MED12L: variants seen among roughly 807,000 people sequenced by gnomAD.
The protein encoded by MED12L is mediator complex subunit 12L.
In MED12L, 60 loss-of-function variants were observed where a neutral mutation model predicts 281.3. The ratio of observed to expected loss-of-function variants is 0.21; its 90% CI spans 0.17 to 0.26. The LOEUF (loss-of-function observed/expected upper bound fraction) is 0.26, where lower values mean the gene tolerates loss of function less well. MED12L is among the 10% of genes least tolerant of loss of function. The probability of loss-of-function intolerance (pLI) is 1.00; values close to 1 mark genes in which losing one functional copy is unlikely to be tolerated. For synonymous variants in MED12L, 974 were observed against 987.2 expected, an observed-to-expected ratio of 0.99 and a Z score of 0.25; for missense variants, 2,146 against 2,680.9, an observed-to-expected ratio of 0.80 and a Z score of 4.41.
chr3:151,171,271 C>T (rs1338626570), intron 11 of MED12L, among the ~76,000 whole-genome samples: 1 of 152,176 alleles, frequency 6.6e-6, no homozygotes, highest in Non-Finnish European at 1.5e-5. Context: ...CACCTCTGAG[C>T]AGCTGGAGGA....
chr3:151,416,169 A>G, intron 42 of MED12L, 143 bp from the exon 43 acceptor site: 1 of 1,474,864 alleles, frequency 6.8e-7, no homozygotes, highest in Non-Finnish European at 9.3e-7. Flanking sequence ...AATGAGGTTC[A>G]GCAAGGTAGA....
chr3:151,329,957 A>AT (rs1750162674), intron 16 of MED12L, among the ~76,000 whole-genome samples: 1 of 152,144 alleles, frequency 6.6e-6, no homozygotes, highest in Admixed American at 6.6e-5. Context: ...CGGTATGTTT[A>AT]TTTTTGTAGG....
chr3:151,302,095 A>G (rs971857610), intron 16 of MED12L, among the ~76,000 whole-genome samples: 4 of 152,364 alleles, frequency 2.6e-5, no homozygotes, highest in Middle Eastern at 3.4e-3. Context: ...TATTGTATAG[A>G]TGAACCGTGA....
intron 11 of MED12L, 32 bp downstream of exon 11, chr3:151,166,014 T>G: frequency 1.9e-6 from 3 of 1,562,370 alleles, no homozygotes; most frequent in Non-Finnish European, 2.6e-6. Flanking sequence ...CTTTTCACCT[T>G]TTATTTTCAT....
rs1720105423 is a variant in MED12L at position 151,435,824 on chromosome 3, A to ATT, written c.*3021_*3022dup. On this transcript the variant is annotated 3_prime_UTR_variant, in exon 45 of 45. Transcript: ENST00000687756. ...CAGATTTTAAATACAGTGAAACTTC[A>ATT]TTATATATAATAGACCTAGACCCTC... 1 of 147,894 alleles carries ATT rather than the reference A, an allele frequency of 6.8e-6. No individual in the cohort carries two copies. The highest frequency in any genetic ancestry group is 2.3e-4 in the East Asian group (1 of 4,332). The allele number at this position is 147,894 out of a possible 1,614,324, so 9.2% of individuals were successfully genotyped here. A position where few individuals can be genotyped will look rare whatever the true frequency, so the allele number is the denominator to read the frequency against.
chr3:151,210,035 G>T (rs1726912297), intron 16 of MED12L, among the ~76,000 whole-genome samples: 1 of 152,112 alleles, frequency 6.6e-6, no homozygotes, highest in Non-Finnish European at 1.5e-5. Context: ...TGCCTTCCAT[G>T]GTGTCAATTT....
chr3:151,165,830 T>G lies in MED12L; in HGVS notation c.1358-16T>G. 1 of 1,607,386 alleles carries G rather than the reference T, an allele frequency of 6.2e-7. No homozygotes were observed. Among genetic ancestry groups the G allele is most frequent in the South Asian group, 1.1e-5 (1 of 89,046 alleles). On this transcript the variant is annotated splice_polypyrimidine_tract_variant and intron_variant, in intron 10 of 44. Transcript: ENST00000687756. ...TTTTTGGCCTCATTAACCACTTGTT[T>G]AATTTCTGCCTATAGGGGTGACTAT...
At chr3:151,214,033 C>T (rs1213321344) in intron 16 of MED12L, 1 of 1,614,032 alleles carries the variant, frequency 6.2e-7, no homozygotes, top group Non-Finnish European at 8.5e-7. Context: ...GGCAGAGACC[C>T]TGCACACAAA....
At chr3:151,141,189 T>TTTTTTTTTTTTTTTTTTTTG (rs1553808533) in intron 5 of MED12L, among the ~76,000 whole-genome samples, 2 of 138,048 alleles carry the variant, frequency 1.4e-5, no homozygotes, top group African/African-American at 2.9e-5. Flanking sequence ...TTTTTTTTGT[T>TTTTTTTTTTTTTTTTTTTTG]TTTTTTTTTT....
intron 16 of MED12L, among the ~76,000 whole-genome samples, chr3:151,330,216 A>G (rs573455615): frequency 1.3e-5 from 2 of 152,346 alleles, no homozygotes; most frequent in African/African-American, 4.8e-5. Flanking sequence ...AGTGCTTGAC[A>G]TATAGGAGGC....
intron 43 of MED12L, among the ~76,000 whole-genome samples, chr3:151,429,474 A>G (rs1384230596): frequency 6.6e-6 from 1 of 152,180 alleles, no homozygotes; most frequent in Non-Finnish European, 1.5e-5. Flanking sequence ...AGGAGGAGAG[A>G]AGGGGAAGAA....
chr3:151,279,430 A>G (rs1742443820), intron 16 of MED12L, among the ~76,000 whole-genome samples: 1 of 152,208 alleles, frequency 6.6e-6, no homozygotes, highest in South Asian at 2.1e-4. Context: ...ATACCCAAAC[A>G]GTTATTTCCC....
chr3:151,394,560 T>C, intron 38 of MED12L, 96 bp from the exon 39 acceptor site: 1 of 1,554,256 alleles, frequency 6.4e-7, no homozygotes, highest in Non-Finnish European at 8.7e-7. Context: ...GTTCATAAAG[T>C]GAGACTTAGA....
At chr3:151,116,643 A>G (rs548148166) in intron 3 of MED12L, among the ~76,000 whole-genome samples, 1 of 152,278 alleles carries the variant, frequency 6.6e-6, no homozygotes, top group South Asian at 2.1e-4. Context: ...TTAATTTAGT[A>G]CAGTACAGCT....
chr3:151,233,337 CACAG>C (rs1469836528), intron 16 of MED12L, among the ~76,000 whole-genome samples: 1 of 152,230 alleles, frequency 6.6e-6, no homozygotes, highest in African/African-American at 2.4e-5. Flanking sequence ...TTTTACCAAA[CACAG>C]ACAGTGTTAA....
At chr3:151,259,272 A>G (rs537691073) in intron 16 of MED12L, among the ~76,000 whole-genome samples, 14 of 152,328 alleles carry the variant, frequency 9.2e-5, no homozygotes, top group African/African-American at 3.4e-4. Flanking sequence ...CTTCAGAAAT[A>G]GGCACTCCTT....
chr3:151,151,604 A>G (rs1718525639), intron 5 of MED12L, among the ~76,000 whole-genome samples: 1 of 150,182 alleles, frequency 6.7e-6, no homozygotes, highest in African/African-American at 2.4e-5. Flanking sequence ...GGGTGGGAAG[A>G]GAGATATGGG....
At chr3:151,269,958 C>A in intron 16 of MED12L, 1 of 395,958 alleles carries the variant, frequency 2.5e-6, no homozygotes, top group Admixed American at 3.3e-5. Context: ...AATACTTGGA[C>A]AAATCCATTA....
At chr3:151,426,775 G>A (rs554845923) in intron 43 of MED12L, among the ~76,000 whole-genome samples, 1 of 151,766 alleles carries the variant, frequency 6.6e-6, no homozygotes, top group South Asian at 2.1e-4. Flanking sequence ...ATGAAAAATA[G>A]GCATATATTT....
Sources: allele counts gnomAD v4.1 joint callset (sites outside exome capture counted in the v4.1 genomes callset), GRCh38; gene constraint gnomAD v4.1.1; transcripts MANE v1.5; gene names NCBI Gene and HGNC (gene_info 2026-07-23, HGNC 2026-07-21).